BMP2: variants seen among roughly 807,000 people sequenced by gnomAD.
The protein encoded by BMP2 is bone morphogenetic protein 2A.
Under a neutral mutation model 28.8 loss-of-function variants are expected in BMP2, and 2 were observed. That is an observed-to-expected ratio of 0.07 (90% confidence interval 0.03 to 0.22). BMP2 has a LOEUF of 0.22. BMP2 is among the 10% of genes least tolerant of loss of function. The pLI is 1.00. For missense variants in BMP2, 437 were observed against 517.7 expected (o/e 0.84, Z 1.51); for synonymous variants, 218 against 204.3 (o/e 1.07, Z -0.57).
At chr20:6,771,763 G>A (rs1986405244) in intron 2 of BMP2, among the ~76,000 whole-genome samples, 1 of 152,160 alleles carries the variant, frequency 6.6e-6, no homozygotes, top group African/African-American at 2.4e-5. Context: ...TTCTAAGTGA[G>A]GTGCTCTCTG....
At position 6,770,105 on chromosome 20, in the gene BMP2, C is replaced by G. The variant is rs747291949; in HGVS notation, c.-7-15C>G. The G allele has an allele frequency of 6.6e-7, 1 of 1,521,004 alleles. No homozygotes were observed. Among genetic ancestry groups the G allele is most frequent in the South Asian group, 1.2e-5 (1 of 81,834 alleles). 94.2% of individuals were successfully genotyped at this position (1,521,004 alleles called of 1,614,324 possible). On this transcript the variant is annotated splice_polypyrimidine_tract_variant and intron_variant, in intron 1 of 2. Coordinates refer to ENST00000378827, the MANE Select transcript of BMP2 (RefSeq NM_001200.4). ...GGCGGGGAACTCGGGTGACTCACGT[C>G]GGTCCTGTCCGCAGGTCGACCATGG...
At position 6,768,126 on chromosome 20, in the gene BMP2, G is replaced by A; in HGVS notation, c.-757G>A. 5.0e-6 allele frequency: 2 copies of A among 398,234 alleles called. No individual in the cohort carries two copies. The highest frequency in any genetic ancestry group is 8.9e-6 in the Non-Finnish European group (2 of 225,814). The allele number at this position is 398,234 out of a possible 1,614,324, so 24.7% of individuals were successfully genotyped here. ...CAAAGGGCACTTGGCCCCAGGGCTAGGAGAGCGAGGGGAGAGCACAGCCAC... is the reference window on the plus strand; with the variant it reads ...CAAAGGGCACTTGGCCCCAGGGCTAAGAGAGCGAGGGGAGAGCACAGCCAC... On this transcript the variant is annotated 5_prime_UTR_variant, in exon 1 of 3. Coordinates refer to ENST00000378827, the MANE Select transcript of BMP2 (RefSeq NM_001200.4).
intron 2 of BMP2, among the ~76,000 whole-genome samples, chr20:6,776,459 T>C (rs1986502680): frequency 1.3e-5 from 2 of 152,190 alleles, no homozygotes; most frequent in Admixed American, 1.3e-4. Flanking sequence ...CTAGTTTTTA[T>C]ATTATTTAAC....
chr20:6,774,574 G>A (rs964314518), intron 2 of BMP2, among the ~76,000 whole-genome samples: 2 of 152,070 alleles, frequency 1.3e-5, no homozygotes, highest in Non-Finnish European at 2.9e-5. Flanking sequence ...CCTGAGAAGC[G>A]CAGTAGATTC....
chr20:6,774,453 G>C (rs1012607618), intron 2 of BMP2, among the ~76,000 whole-genome samples: 2 of 152,180 alleles, frequency 1.3e-5, no homozygotes, highest in Non-Finnish European at 2.9e-5. Flanking sequence ...TTGAACCTGG[G>C]AGGTGGAGGC....
rs1319094432 is a variant in BMP2 at position 6,768,487 on chromosome 20, C to T, written c.-396C>T. ...CTAAGGAGGACGACAGCACCAGCTT[C>T]TCCTTTCTCCCTTCCCTTCCCTGCC... On this transcript the variant is annotated 5_prime_UTR_variant, in exon 1 of 3. Transcript: ENST00000378827. The T allele has an allele frequency of 5.1e-6, 2 of 393,250 alleles. No homozygotes were observed. Among genetic ancestry groups the T allele is most frequent in the Non-Finnish European group, 4.5e-6 (1 of 222,964 alleles). 24.4% of individuals were successfully genotyped at this position (393,250 alleles called of 1,614,324 possible). A position where few individuals can be genotyped will look rare whatever the true frequency, so the allele number is the denominator to read the frequency against.
In BMP2 at chr20:6,770,457, A is replaced by G. The variant is rs1986375239; in HGVS notation, c.331A>G (p.Ser111Gly). ...AGCCAGCCGAGCCAACACTGTGCGC[A>G]GCTTCCACCATGAAGGTGAGGCATG... Reference protein sequence around the residue: ...RAASRANTVRSFHHEESLEEL... With the variant: ...RAASRANTVRGFHHEESLEEL... Residue 111 changes from serine to glycine, a missense_variant, in exon 2 of 3, where the codon AGC becomes GGC. By Grantham distance (56) the Ser-to-Gly change is moderately conservative. This residue lies in a region of BMP2 where 363 missense variants were observed against 392.8 expected (regional missense o/e 0.92). Coordinates refer to ENST00000378827, the MANE Select transcript of BMP2 (RefSeq NM_001200.4). 1 of 1,595,032 alleles carries G rather than the reference A, an allele frequency of 6.3e-7. No individual in the cohort carries two copies. Among genetic ancestry groups the G allele is most frequent in the African/African-American group, 1.3e-5 (1 of 74,608 alleles).
At chr20:6,771,403 A>G (rs1986395649) in intron 2 of BMP2, among the ~76,000 whole-genome samples, 1 of 152,224 alleles carries the variant, frequency 6.6e-6, no homozygotes, top group Non-Finnish European at 1.5e-5. Flanking sequence ...TACATTTAAA[A>G]TAGAGCATGG....
rs71646302 is a variant in BMP2, at chr20:6,779,111, A to AATATAT, written c.*37_*42dup. 18 of 1,024,150 alleles carry AATATAT rather than the reference A, an allele frequency of 1.8e-5. No homozygotes were observed. The highest frequency in any genetic ancestry group is 2.9e-4 in the Middle Eastern group (1 of 3,416). 63.4% of individuals were successfully genotyped at this position (1,024,150 alleles called of 1,614,324 possible). On this transcript the variant is annotated 3_prime_UTR_variant, in exon 3 of 3. Transcript: ENST00000378827. Reference sequence around the variant, plus strand: ...CTAGTACAGCAAAATTAAATACATAAATATATATATATATATATATTTTAG... The same window carrying AATATAT: ...CTAGTACAGCAAAATTAAATACATAAATATATATATATATATATATATATATTTTAG...
chr20:6,769,751 G>A (rs1257042567), intron 1 of BMP2, among the ~76,000 whole-genome samples: 1 of 152,080 alleles, frequency 6.6e-6, no homozygotes, highest in Non-Finnish European at 1.5e-5. Context: ...TTGTATAGGG[G>A]ACGCAGGGTG....
chr20:6,778,656 A>G lies in BMP2; in HGVS notation c.758A>G (p.Asp253Gly). 6.2e-7 allele frequency: 1 copy of G among 1,614,172 alleles called. No homozygotes were observed. The highest frequency in any genetic ancestry group is 1.1e-5 in the South Asian group (1 of 91,076). The change falls in exon 3 of 3, where the codon GAT (aspartate) becomes GGT (glycine). Residue 253 changes from aspartate (D) to glycine (G), a missense_variant. Asp to Gly is a moderately conservative substitution (Grantham distance 94). Coordinates refer to ENST00000378827, the MANE Select transcript of BMP2 (RefSeq NM_001200.4). The surrounding 1 kb of genome is among the most constrained non-coding windows in gnomAD (Gnocchi z 5.0). ...AGGATAAGCAGGTCTTTGCACCAAGATGAACACAGCTGGTCACAGATAAGG... is the reference window on the plus strand; with the variant it reads ...AGGATAAGCAGGTCTTTGCACCAAGGTGAACACAGCTGGTCACAGATAAGG... ...HVRISRSLHQ[D>G]EHSWSQIRPL...
intron 2 of BMP2, among the ~76,000 whole-genome samples, chr20:6,777,140 C>T (rs76718180): frequency 5.8e-4 from 88 of 152,224 alleles, no homozygotes; most frequent in African/African-American, 2.1e-3. Flanking sequence ...TACAAGCATT[C>T]AAGGTGCTGT....
chr20:6,772,520 A>T (rs1412316705), intron 2 of BMP2, among the ~76,000 whole-genome samples: 1 of 152,214 alleles, frequency 6.6e-6, no homozygotes, highest in Non-Finnish European at 1.5e-5. Context: ...TTTGATAAAC[A>T]TCCTTGTGCC....
chr20:6,769,024 A>C (rs235702), intron 1 of BMP2, 149 bp downstream of exon 1: 249,435 of 396,004 alleles, frequency 0.63, 81,418 homozygotes, highest in African/African-American at 0.89. Context: ...AGGGGCTCCC[A>C]CTTCCAGCTG....
At position 6,769,991 on chromosome 20, in the gene BMP2, G is replaced by A. The variant is rs1986356307; in HGVS notation, c.-7-129G>A. ...GCTTCGGTCGGTCTTACCTAGACTC[G>A]TGAGTGTGCCAAGCCAGGAGGGCAT... On this transcript the variant is annotated intron_variant, in intron 1 of 2. Coordinates refer to ENST00000378827, the MANE Select transcript of BMP2 (RefSeq NM_001200.4). 19 of 939,186 alleles carry A rather than the reference G, an allele frequency of 2.0e-5. No individual in the cohort carries two copies. In the South Asian group the frequency reaches 3.1e-4, roughly 16 times the overall value. The allele number at this position is 939,186 out of a possible 1,614,324, so 58.2% of individuals were successfully genotyped here. A position where few individuals can be genotyped will look rare whatever the true frequency, so the allele number is the denominator to read the frequency against.
Position 6,778,558 on chromosome 20 carries a change from A to G in BMP2, c.660A>G (p.Gly220=), listed in dbSNP as rs1316237608. ...TPAVMRWTAQ[G]HANHGFVVEV... ...CTGTGATGCGGTGGACTGCACAGGG[A>G]CACGCCAACCATGGATTCGTGGTGG... is the stretch of plus-strand genomic sequence containing the variant. The change falls in exon 3 of 3, where the codon GGA becomes GGG. Residue 220 remains glycine, a synonymous_variant. Coordinates refer to ENST00000378827, the MANE Select transcript of BMP2 (RefSeq NM_001200.4). This position sits in a 1 kb window ranked among gnomAD's most constrained non-coding sequence, Gnocchi z 5.0. The G allele has an allele frequency of 6.2e-7, 1 of 1,614,130 alleles. No homozygotes were observed. Among genetic ancestry groups the G allele is most frequent in the Non-Finnish European group, 8.5e-7 (1 of 1,179,994 alleles).
At position 6,770,189 on chromosome 20, in the gene BMP2, G is replaced by T; in HGVS notation, c.63G>T (p.Ala21=). 1.3e-6 allele frequency: 2 copies of T among 1,585,158 alleles called. No homozygotes were observed. The highest frequency in any genetic ancestry group is 1.7e-6 in the Non-Finnish European group (2 of 1,166,570). The change falls in exon 2 of 3, where the codon GCG becomes GCT. Residue 21 remains alanine (A), a synonymous_variant. Transcript: ENST00000378827. ...TTCCCCAGGTCCTCCTGGGCGGCGC[G>T]GCTGGCCTCGTTCCGGAGCTGGGCC... The part of the protein sequence containing the change: ...LLLPQVLLGG[A]AGLVPELGRR...
At chr20:6,770,079 G>C in intron 1 of BMP2, 41 bp from the exon 2 acceptor site, 1 of 1,490,744 alleles carries the variant, frequency 6.7e-7, no homozygotes, top group Non-Finnish European at 8.9e-7. Context: ...GGGGAGGACT[G>C]GGCGGGGAAC....
In BMP2 at chr20:6,778,106, T is replaced by A. The variant is rs1225833951; in HGVS notation, c.347-139T>A. The A allele has an allele frequency of 7.9e-7, 1 of 1,272,888 alleles. No individual in the cohort carries two copies. The highest frequency in any genetic ancestry group is 1.5e-5 in the African/African-American group (1 of 66,194). The allele number at this position is 1,272,888 out of a possible 1,614,324, so 78.8% of individuals were successfully genotyped here. A position where few individuals can be genotyped will look rare whatever the true frequency, so the allele number is the denominator to read the frequency against. The stretch of plus-strand genomic sequence containing the variant: ...ATTTAAAGAGGAAATTTTTATTTTC[T>A]GGTTACCTACTTTTACATGGGTTAC... On this transcript the variant is annotated intron_variant, in intron 2 of 2. Coordinates refer to ENST00000378827, the MANE Select transcript of BMP2 (RefSeq NM_001200.4). This position sits in a 1 kb window ranked among gnomAD's most constrained non-coding sequence, Gnocchi z 5.0.
Sources: gnomAD v4.1 joint callset for allele counts (sites outside exome capture counted in the v4.1 genomes callset) on GRCh38, gnomAD v4.1.1 for gene constraint, gnomAD v4.1.1 regional missense constraint, Gnocchi (gnomAD v3.1) non-coding constraint, MANE v1.5 for transcripts, NCBI Gene and HGNC (gene_info 2026-07-23, HGNC 2026-07-21) for gene names.